Variants in WDR11 observed in about 807,000 individuals in gnomAD.
The protein encoded by WDR11 is WD repeat-containing protein 11.
A neutral mutation model predicts 151.2 loss-of-function variants in WDR11; 83 were observed. That is an observed-to-expected ratio of 0.55 (90% CI 0.46 to 0.66). The LOEUF is 0.66. Among genes scored for constraint, WDR11 ranks in the 30% least tolerant of loss-of-function variants. The pLI, the probability that WDR11 is intolerant of heterozygous loss-of-function variation, is 0.00. For missense variants in WDR11, 1,301 were observed against 1,480.9 expected, an observed-to-expected ratio of 0.88 and a Z score of 1.99; for synonymous variants, 484 against 533.1, an observed-to-expected ratio of 0.91 and a Z score of 1.27.
At chr10:120,870,212 CA>C (rs1846487896) in intron 9 of WDR11, among the ~76,000 whole-genome samples, 1 of 152,052 alleles carries the variant, frequency 6.6e-6, no homozygotes, top group South Asian at 2.1e-4. Context: ...TTTAAAATAA[CA>C]TTATTAAAAC....
At chr10:120,881,011 T>C in intron 13 of WDR11, 110 bp downstream of exon 13, 1 of 947,008 alleles carries the variant, frequency 1.1e-6, no homozygotes, top group Non-Finnish European at 1.6e-6. Context: ...GGAATCTTTT[T>C]AGTGATAGCA....
intron 11 of WDR11, among the ~76,000 whole-genome samples, chr10:120,874,189 TTTTGTTG>T (rs1240573040): frequency 1.4e-4 from 14 of 101,142 alleles, no homozygotes; most frequent in Non-Finnish European, 1.9e-4. Flanking sequence ...TTTTTTTTTT[TTTTGTTG>T]TTGTTGTTGT....
chr10:120,870,040 G>T (rs963930714), intron 9 of WDR11, among the ~76,000 whole-genome samples: 1 of 151,974 alleles, frequency 6.6e-6, no homozygotes, highest in South Asian at 2.1e-4. Context: ...CGGTTGCCTC[G>T]GCCTCCCAAA....
chr10:120,902,596 A>G (rs1047410820), intron 22 of WDR11, among the ~76,000 whole-genome samples: 1 of 151,912 alleles, frequency 6.6e-6, no homozygotes, highest in Non-Finnish European at 1.5e-5. Flanking sequence ...GTATATTTAA[A>G]TATACCAATA....
At chr10:120,851,905 C>T in intron 1 of WDR11, 1 of 323,790 alleles carries the variant, frequency 3.1e-6, no homozygotes, top group Non-Finnish European at 5.9e-6. Flanking sequence ...TGTCTTTCAA[C>T]AATGTGCCAG....
At position 120,865,103 on chromosome 10, in the gene WDR11, G is replaced by A. The variant is rs746465459; in HGVS notation, c.770G>A (p.Arg257Lys). 35 of 1,613,898 alleles carry A rather than the reference G, an allele frequency of 2.2e-5. No homozygotes were observed. The highest frequency in any genetic ancestry group is 2.9e-5 in the Non-Finnish European group (34 of 1,179,858). The change falls in exon 6 of 29, where the codon AGG becomes AAG. Residue 257 changes from arginine (R) to lysine (K), a missense_variant. By Grantham distance (26) the Arg-to-Lys change is conservative. This residue lies in a region of WDR11 where 692 missense variants were observed against 762.5 expected (regional missense o/e 0.91). Transcript: ENST00000263461. ...CLQLAYLPSK[R>K]NHMLLLYPRE... ...CAGTTGGCATACCTGCCTTCAAAAA[G>A]GAATCACATGTTGTTGCTCTATCCT...
chr10:120,869,938 C>T (rs1422478778), intron 9 of WDR11, among the ~76,000 whole-genome samples: 5 of 152,068 alleles, frequency 3.3e-5, no homozygotes, highest in South Asian at 4.2e-4. Flanking sequence ...TACAGGTGTG[C>T]GCCACCACAC....
chr10:120,877,322 C>A (rs1287253043), intron 11 of WDR11, among the ~76,000 whole-genome samples: 3 of 152,108 alleles, frequency 2.0e-5, no homozygotes, highest in Admixed American at 6.5e-5. Context: ...TGAATTTTTC[C>A]TCTTCATTGC....
chr10:120,906,212 C>T, intron 27 of WDR11, 191 bp downstream of exon 27: 1 of 1,469,490 alleles, frequency 6.8e-7, no homozygotes, highest in Admixed American at 2.3e-5. Context: ...GGTCTAGGAG[C>T]TATGCTAGTT....
chr10:120,873,897 G>A lies in WDR11; in HGVS notation c.1530G>A (p.Glu510=). ...TCACCAGTGGTCTGCTACACAAAGA[G>A]TTAAGCATCCACTCATGTGAAGTCA... ...YHLTSGLLHK[E]LSIHSCEVKG... The change falls in exon 11 of 29, where the codon GAG becomes GAA. Residue 510 remains glutamate, a synonymous_variant. Coordinates refer to ENST00000263461, the MANE Select transcript of WDR11 (RefSeq NM_018117.12). 6.2e-7 allele frequency: 1 copy of A among 1,612,850 alleles called. No homozygotes were observed. The highest frequency in any genetic ancestry group is 8.5e-7 in the Non-Finnish European group (1 of 1,179,016).
At chr10:120,856,605 C>T (rs773689439) in intron 2 of WDR11, among the ~76,000 whole-genome samples, 6 of 150,760 alleles carry the variant, frequency 4.0e-5, no homozygotes, top group Non-Finnish European at 7.4e-5. Flanking sequence ...AATCCCTCCA[C>T]TATCTTCAAG....
At chr10:120,884,189 A>G (rs967655359) in intron 14 of WDR11, among the ~76,000 whole-genome samples, 4 of 152,156 alleles carry the variant, frequency 2.6e-5, no homozygotes, top group Non-Finnish European at 5.9e-5. Flanking sequence ...TCATCCTTGA[A>G]TAAAGAGGAG....
At chr10:120,864,985 A>G in intron 5 of WDR11, 62 bp from the exon 6 acceptor site, 2 of 1,562,776 alleles carry the variant, frequency 1.3e-6, no homozygotes, top group South Asian at 2.2e-5. Context: ...ACAAAATTAA[A>G]TCTTTTATTA....
intron 3 of WDR11, among the ~76,000 whole-genome samples, chr10:120,859,272 CTT>C (rs35233163): frequency 1.1e-4 from 14 of 128,850 alleles, no homozygotes; most frequent in Admixed American, 2.4e-4. Context: ...TTTTTTTTTT[CTT>C]TTTTTTTTTT....
intron 9 of WDR11, among the ~76,000 whole-genome samples, chr10:120,870,651 G>A (rs1239832710): frequency 6.6e-6 from 1 of 152,076 alleles, no homozygotes; most frequent in Admixed American, 6.5e-5. Context: ...AAAACATTTT[G>A]TAATTACACT....
chr10:120,876,906 G>A (rs905731310), intron 11 of WDR11, among the ~76,000 whole-genome samples: 1 of 152,192 alleles, frequency 6.6e-6, no homozygotes, highest in African/African-American at 2.4e-5. Context: ...CTCAGAACCT[G>A]AACTCTTCAC....
At chr10:120,852,140 G>T (rs573030029) in intron 1 of WDR11, 25 of 265,550 alleles carry the variant, frequency 9.4e-5, no homozygotes, top group Non-Finnish European at 1.8e-4. Flanking sequence ...AGTGTTTGTC[G>T]TTTTATTTAG....
chr10:120,858,468 A>G (rs1846024926), intron 2 of WDR11, among the ~76,000 whole-genome samples, 175 bp from the exon 3 acceptor site: 1 of 152,242 alleles, frequency 6.6e-6, no homozygotes, highest in Non-Finnish European at 1.5e-5. Context: ...AGTTAAAGAT[A>G]TCTACCAAAG....
At position 120,903,036 on chromosome 10, in the gene WDR11, T is replaced by G. The variant is rs1295233745; in HGVS notation, c.2754-19T>G. The G allele has an allele frequency of 6.2e-7, 1 of 1,613,286 alleles. No homozygotes were observed. Among genetic ancestry groups the G allele is most frequent in the South Asian group, 1.1e-5 (1 of 91,000 alleles). On this transcript the variant is annotated intron_variant, in intron 22 of 28. Transcript: ENST00000263461. ...CAGGTGTGCTGAGTGCAGTCAAAAC[T>G]TTGCTTCATCCTTGCCAGGCTCTAT...
Sources: allele counts gnomAD v4.1 joint callset (sites outside exome capture counted in the v4.1 genomes callset), GRCh38; gene constraint gnomAD v4.1.1; regional missense constraint gnomAD v4.1.1; transcripts MANE v1.5; gene names NCBI Gene and HGNC (gene_info 2026-07-23, HGNC 2026-07-21).